Variants in RANBP3 observed in about 807,000 individuals in gnomAD.
The protein encoded by RANBP3 is ran-binding protein 3.
A neutral mutation model predicts 77.3 loss-of-function variants in RANBP3; 14 were observed. The observed-to-expected ratio is 0.18, with a 90% confidence interval of 0.12 to 0.28. The LOEUF is 0.28. Ranked by LOEUF, RANBP3 falls within the 10% of genes least tolerant of loss-of-function variation. The probability of loss-of-function intolerance (pLI) is 1.00; values close to 1 mark genes in which losing one functional copy is unlikely to be tolerated. For missense variants in RANBP3, 586 were observed against 752.3 expected (o/e 0.78, Z 2.59); for synonymous variants, 315 against 312.4 (o/e 1.01, Z -0.09).
At chr19:5,955,012 G>A (rs1222915636) in intron 2 of RANBP3, among the ~76,000 whole-genome samples, 1 of 152,248 alleles carries the variant, frequency 6.6e-6, no homozygotes, top group Non-Finnish European at 1.5e-5. Context: ...AAGTGCGAGT[G>A]ACAGAAGTGG....
intron 1 of RANBP3, among the ~76,000 whole-genome samples, chr19:5,964,824 G>A (rs1487853011): frequency 7.6e-6 from 1 of 132,238 alleles, no homozygotes; most frequent in East Asian, 2.7e-4. Flanking sequence ...CAGCCTGGGG[G>A]AAGAGGAGCT....
chr19:5,927,772 T>C (rs373989962), intron 9 of RANBP3, among the ~76,000 whole-genome samples, 196 bp downstream of exon 9: 29 of 152,304 alleles, frequency 1.9e-4, no homozygotes, highest in African/African-American at 5.1e-4. Flanking sequence ...AAGCCTGGGC[T>C]GCTGGTGGGG....
At chr19:5,925,489 G>A in intron 10 of RANBP3, 145 bp downstream of exon 10, 2 of 691,660 alleles carry the variant, frequency 2.9e-6, no homozygotes, top group Non-Finnish European at 2.5e-6. Flanking sequence ...TGTGCCCAGA[G>A]TGGGGAATGA....
At chr19:5,947,228 C>CGCT in intron 3 of RANBP3, among the ~76,000 whole-genome samples, 1 of 151,146 alleles carries the variant, frequency 6.6e-6, no homozygotes, top group Admixed American at 6.6e-5. Flanking sequence ...TCAGGAGAAT[C>CGCT]GCTTGAACCC....
intron 5 of RANBP3, chr19:5,934,326 T>C (rs1183244979): frequency 6.6e-6 from 1 of 152,268 alleles, no homozygotes; most frequent in Non-Finnish European, 1.5e-5. Flanking sequence ...GCACAGAGAC[T>C]GTGGCATTAT....
chr19:5,925,687 G>A lies in RANBP3; in HGVS notation c.864C>T (p.Pro288=), dbSNP rs190136516. 1.5e-4 allele frequency: 244 copies of A among 1,613,996 alleles called. 1 individual carries two copies. In the Admixed American group the frequency reaches 3.9e-3, roughly 26 times the overall value. Residue 288 remains proline, a synonymous_variant, in exon 10 of 17, where the codon CCC becomes CCT. Transcript: ENST00000340578. ...DEADMENAGH[P]SADTPTATNY... ...TCGTTGCGGTTGGCGTGTCTGCGCT[G>A]GGGTGTCCAGCATTCTCCATGTCGG...
At chr19:5,939,605 G>A (rs7249186) in intron 5 of RANBP3, among the ~76,000 whole-genome samples, 366 of 152,296 alleles carry the variant, frequency 2.4e-3, no homozygotes, top group African/African-American at 8.5e-3. Flanking sequence ...AGGTGCAGGC[G>A]GGGGAGGGAA....
In RANBP3 at chr19:5,916,603, G is replaced by A. The variant is rs1250567010; in HGVS notation, c.*1007C>T. On this transcript the variant is annotated 3_prime_UTR_variant, in exon 17 of 17. Transcript: ENST00000340578. ...CCCTGGGCTCTTCCACCAAGATTTG[G>A]TGAGGGTCCCCCTCTGCCTCTCACA... The A allele has an allele frequency of 2.0e-5, 3 of 152,526 alleles. No homozygotes were observed. The highest frequency in any genetic ancestry group is 7.2e-5 in the African/African-American group (3 of 41,480). The allele number at this position is 152,526 out of a possible 1,614,324, so 9.4% of individuals were successfully genotyped here.
chr19:5,956,001 AG>A (rs1322367084), intron 2 of RANBP3, among the ~76,000 whole-genome samples: 1 of 152,166 alleles, frequency 6.6e-6, no homozygotes, highest in Non-Finnish European at 1.5e-5. Context: ...CCAGCTACTC[AG>A]AAGGCTGAGG....
intron 14 of RANBP3, among the ~76,000 whole-genome samples, chr19:5,920,064 T>G (rs530706635): frequency 4.1e-4 from 63 of 152,176 alleles, no homozygotes; most frequent in African/African-American, 1.3e-3. Context: ...AACCCATATT[T>G]ATGAAAAGGC....
intron 1 of RANBP3, among the ~76,000 whole-genome samples, chr19:5,962,152 T>C (rs1483731332): frequency 2.0e-5 from 3 of 152,102 alleles, no homozygotes; most frequent in African/African-American, 7.2e-5. Flanking sequence ...CAATGAGTGT[T>C]TGAACTAGGC....
intron 1 of RANBP3, among the ~76,000 whole-genome samples, chr19:5,975,022 A>C (rs2058573803): frequency 6.6e-6 from 1 of 152,236 alleles, no homozygotes; most frequent in African/African-American, 2.4e-5. Flanking sequence ...AGGGCATTTG[A>C]CTAGAGCTTA....
chr19:5,925,978 C>T (rs1461936693), intron 9 of RANBP3, among the ~76,000 whole-genome samples: 1 of 152,140 alleles, frequency 6.6e-6, no homozygotes, highest in Non-Finnish European at 1.5e-5. Context: ...GAGCCTTTTC[C>T]ACCTTGTTAC....
chr19:5,941,004 G>A (rs2058128592), intron 5 of RANBP3, among the ~76,000 whole-genome samples: 1 of 152,226 alleles, frequency 6.6e-6, no homozygotes, highest in South Asian at 2.1e-4. Context: ...GCTCAGACCA[G>A]GCCTCACGTC....
chr19:5,957,335 C>T (rs1460717326), intron 2 of RANBP3, among the ~76,000 whole-genome samples: 3 of 152,136 alleles, frequency 2.0e-5, no homozygotes, highest in Admixed American at 2.0e-4. Flanking sequence ...ATGAATCAGG[C>T]GAGGTACTTC....
At chr19:5,939,261 G>A (rs753419775) in intron 5 of RANBP3, among the ~76,000 whole-genome samples, 2 of 152,204 alleles carry the variant, frequency 1.3e-5, no homozygotes, top group African/African-American at 4.8e-5. Flanking sequence ...TTTCTTCACA[G>A]GTTGTTTTTA....
rs905836998 is a variant in RANBP3, at chr19:5,924,926, G to A, written c.918-21C>T. On this transcript the variant is annotated intron_variant, in intron 10 of 16. Transcript: ENST00000340578. The surrounding 1 kb of genome is among the most constrained non-coding windows in gnomAD (Gnocchi z 4.7). Reference sequence around the variant, plus strand: ...CTAAACTGAAGAGAAGATGTGCAATGAGTGTGGGGCGTCACGTGGGAACGT... The same window carrying A: ...CTAAACTGAAGAGAAGATGTGCAATAAGTGTGGGGCGTCACGTGGGAACGT... 1 of 1,605,708 alleles carries A rather than the reference G, an allele frequency of 6.2e-7. No individual in the cohort carries two copies. The highest frequency in any genetic ancestry group is 1.3e-5 in the African/African-American group (1 of 74,744).
At chr19:5,972,210 G>A (rs1450206395) in intron 1 of RANBP3, among the ~76,000 whole-genome samples, 1 of 152,198 alleles carries the variant, frequency 6.6e-6, no homozygotes, top group East Asian at 1.9e-4. Context: ...TAGAACTCCT[G>A]GAACCATCTC....
chr19:5,957,092 T>C (rs1447924604), intron 2 of RANBP3, among the ~76,000 whole-genome samples: 2 of 152,042 alleles, frequency 1.3e-5, no homozygotes, highest in Non-Finnish European at 2.9e-5. Flanking sequence ...TCGCTGGGCA[T>C]CAGTGGGGAG....
Sources: gnomAD v4.1 joint callset for allele counts (sites outside exome capture counted in the v4.1 genomes callset) on GRCh38, gnomAD v4.1.1 for gene constraint, Gnocchi (gnomAD v3.1) non-coding constraint, MANE v1.5 for transcripts, NCBI Gene and HGNC (gene_info 2026-07-23, HGNC 2026-07-21) for gene names.